Variants in OXR1 observed in about 807,000 individuals in gnomAD.
The protein encoded by OXR1 is oxidation resistance protein 1.
A neutral mutation model predicts 104.6 loss-of-function variants in OXR1; 41 were observed. That is an observed-to-expected ratio of 0.39 (90% CI 0.31 to 0.51). The LOEUF is 0.51. OXR1 is among the 20% of genes least tolerant of loss of function. The pLI, the probability that OXR1 is intolerant of heterozygous loss-of-function variation, is 0.77. For synonymous variants in OXR1, 348 were observed against 348.4 expected (o/e 1.00, Z 0.01); for missense variants, 955 against 1,031.9 (o/e 0.93, Z 1.02).
At chr8:106,557,673 G>A (rs937369545) in intron 3 of OXR1, among the ~76,000 whole-genome samples, 1 of 152,014 alleles carries the variant, frequency 6.6e-6, no homozygotes, top group East Asian at 1.9e-4. Context: ...TTGGGACTTA[G>A]CATTTATTCG....
At chr8:106,609,374 C>CT (rs966615682) in intron 3 of OXR1, among the ~76,000 whole-genome samples, 7 of 152,222 alleles carry the variant, frequency 4.6e-5, no homozygotes, top group African/African-American at 1.7e-4. Context: ...TTGGGCAACT[C>CT]TTTTTTAATC....
intron 1 of OXR1, among the ~76,000 whole-genome samples, chr8:106,301,279 T>G (rs1224776995): frequency 1.3e-5 from 2 of 152,192 alleles, no homozygotes; most frequent in Non-Finnish European, 2.9e-5. Context: ...ATTTCACTAC[T>G]TAGAAAATTG....
intron 3 of OXR1, among the ~76,000 whole-genome samples, chr8:106,674,055 A>AGTGGAGCT (rs1348215900): frequency 6.6e-6 from 1 of 152,210 alleles, no homozygotes. Flanking sequence ...GGCCCTGCCC[A>AGTGGAGCT]GTGGAGCTGT....
intron 2 of OXR1, among the ~76,000 whole-genome samples, chr8:106,424,401 A>T (rs949069243): frequency 6.6e-6 from 1 of 152,102 alleles, no homozygotes; most frequent in Non-Finnish European, 1.5e-5. Flanking sequence ...ACTTTTTCCT[A>T]CTAAAATATA....
chr8:106,323,193 T>TA (rs1437232626), intron 1 of OXR1, among the ~76,000 whole-genome samples: 2 of 152,140 alleles, frequency 1.3e-5, no homozygotes, highest in African/African-American at 4.8e-5. Flanking sequence ...AATTGGCACA[T>TA]ACCAGTGGAA....
intron 3 of OXR1, among the ~76,000 whole-genome samples, chr8:106,530,107 A>G (rs936716970): frequency 3.3e-5 from 5 of 152,208 alleles, no homozygotes; most frequent in African/African-American, 9.6e-5. Context: ...ACATTTATAG[A>G]TAGAACTAAT....
At chr8:106,321,198 A>C (rs1053326458) in intron 1 of OXR1, among the ~76,000 whole-genome samples, 10 of 152,232 alleles carry the variant, frequency 6.6e-5, no homozygotes, top group African/African-American at 2.4e-4. Context: ...ATTTAACAAA[A>C]CAGGGCCTTG....
intron 2 of OXR1, among the ~76,000 whole-genome samples, chr8:106,366,543 T>C (rs1197169249): frequency 6.6e-6 from 1 of 152,208 alleles, no homozygotes; most frequent in Non-Finnish European, 1.5e-5. Flanking sequence ...TCTGTAAGTG[T>C]ATAAAATTAT....
At chr8:106,638,934 C>CA (rs1285331526) in intron 3 of OXR1, among the ~76,000 whole-genome samples, 7 of 136,390 alleles carry the variant, frequency 5.1e-5, no homozygotes, top group South Asian at 4.7e-4. Flanking sequence ...CAACAAAAAT[C>CA]AAAAAAAAAT....
chr8:106,648,399 C>G (rs1283612976), intron 3 of OXR1, among the ~76,000 whole-genome samples: 1 of 152,166 alleles, frequency 6.6e-6, no homozygotes, highest in Non-Finnish European at 1.5e-5. Flanking sequence ...ATAAACATTA[C>G]AAACCAATGT....
intron 1 of OXR1, among the ~76,000 whole-genome samples, chr8:106,351,880 T>C (rs147203995): frequency 9.5e-4 from 145 of 152,332 alleles, no homozygotes; most frequent in Non-Finnish European, 1.8e-3. Flanking sequence ...TTACTACATC[T>C]AATATTCCTA....
intron 11 of OXR1, among the ~76,000 whole-genome samples, chr8:106,732,931 A>G (rs1343169664): frequency 1.3e-5 from 2 of 152,130 alleles, no homozygotes; most frequent in Admixed American, 1.3e-4. Context: ...TGTTTTCTGG[A>G]AGAGATTGTG....
chr8:106,531,095 AG>A (rs1204063396), intron 3 of OXR1, among the ~76,000 whole-genome samples: 1 of 152,208 alleles, frequency 6.6e-6, no homozygotes, highest in African/African-American at 2.4e-5. Context: ...TGAGGGAGAA[AG>A]CCCATAATGT....
At chr8:106,356,965 C>T (rs1408529150) in intron 1 of OXR1, among the ~76,000 whole-genome samples, 1 of 152,060 alleles carries the variant, frequency 6.6e-6, no homozygotes, top group African/African-American at 2.4e-5. Flanking sequence ...GTGTTGGCAA[C>T]TTGTCCACTA....
intron 2 of OXR1, among the ~76,000 whole-genome samples, chr8:106,403,846 A>T (rs1231844993): frequency 6.6e-6 from 1 of 151,908 alleles, no homozygotes; most frequent in Admixed American, 6.6e-5. Flanking sequence ...ACATTAGAAA[A>T]CTCAAATATT....
In OXR1 at chr8:106,692,773, A is replaced by G; in HGVS notation, c.571A>G (p.Thr191Ala). ...AGAAGCAACTCCCTCATCTACTTTCACTGGTATTCGACCTGCACGAGTTGT... is the reference window on the plus strand; with the variant it reads ...AGAAGCAACTCCCTCATCTACTTTCGCTGGTATTCGACCTGCACGAGTTGT... ...PTEATPSSTF[T>A]GIRPARVVSS... The change falls in exon 7 of 17, where the codon ACT becomes GCT. Residue 191 changes from threonine (T) to alanine (A), a missense_variant. Thr to Ala is a moderately conservative substitution (Grantham distance 58). Transcript: ENST00000517566. 6.3e-7 allele frequency: 1 copy of G among 1,588,786 alleles called. No individual in the cohort carries two copies. The highest frequency in any genetic ancestry group is 1.1e-5 in the South Asian group (1 of 86,960).
intron 3 of OXR1, among the ~76,000 whole-genome samples, chr8:106,630,372 A>C (rs188547092): frequency 2.0e-3 from 304 of 152,310 alleles, no homozygotes; most frequent in African/African-American, 6.9e-3. Context: ...GCCATTTTTC[A>C]GCTAAGAAAA....
Position 106,706,869 on chromosome 8 carries a change from G to T in OXR1, c.1348G>T (p.Asp450Tyr). 1 of 1,611,594 alleles carries T rather than the reference G, an allele frequency of 6.2e-7. No individual in the cohort carries two copies. The highest frequency in any genetic ancestry group is 8.5e-7 in the Non-Finnish European group (1 of 1,179,534). ...AAGTATAAAAGGTAATTCAGACCAG[G>T]ATTCTTTTCTTCATGAGAATTCGTT... Reference protein sequence around the residue: ...STSIKGNSDQDSFLHENSLHQ... With the variant: ...STSIKGNSDQYSFLHENSLHQ... Residue 450 changes from aspartate to tyrosine, a missense_variant, in exon 9 of 17, where the codon GAT (aspartate) becomes TAT (tyrosine). By Grantham distance (160) the Asp-to-Tyr change is radical (BLOSUM62 -3). Transcript: ENST00000517566.
intron 1 of OXR1, among the ~76,000 whole-genome samples, chr8:106,271,545 TGTGCGTGTGTGCGCGCGCGTGTGC>T (rs1394560364): frequency 1.3e-5 from 2 of 151,900 alleles, no homozygotes; most frequent in Non-Finnish European, 2.9e-5. Flanking sequence ...GGGGCGTGTG[TGTGCGTGTGTGCGCGCGCGTGTGC>T]ATGTTTCCGG....
Sources: allele counts gnomAD v4.1 joint callset (sites outside exome capture counted in the v4.1 genomes callset), GRCh38; gene constraint gnomAD v4.1.1; transcripts MANE v1.5; gene names NCBI Gene and HGNC (gene_info 2026-07-23, HGNC 2026-07-21).